WAC: variants seen among roughly 807,000 people sequenced by gnomAD.
The protein encoded by WAC is WW domain-containing adapter protein with coiled-coil.
WAC carries 11 observed loss-of-function variants against 79.6 expected under a neutral mutation model. That is an observed-to-expected ratio of 0.14 (90% confidence interval 0.09 to 0.23). The LOEUF (loss-of-function observed/expected upper bound fraction) is 0.23. Among genes scored for constraint, WAC ranks in the 10% least tolerant of loss-of-function variants. WAC has a pLI of 1.00. For synonymous variants in WAC, 304 were observed against 276.9 expected (o/e 1.10, Z -0.97); for missense variants, 728 against 773.5 (o/e 0.94, Z 0.70).
chr10:28,567,891 A>G (rs1389697668), intron 3 of WAC, among the ~76,000 whole-genome samples: 2 of 152,034 alleles, frequency 1.3e-5, no homozygotes, highest in Non-Finnish European at 2.9e-5. Context: ...AGTAGCTGAG[A>G]CTAAAGGCAG....
At chr10:28,544,492 A>G (rs1837244463) in intron 3 of WAC, among the ~76,000 whole-genome samples, 1 of 152,196 alleles carries the variant, frequency 6.6e-6, no homozygotes, top group Admixed American at 6.5e-5. Flanking sequence ...GAAATTGTGT[A>G]TATTTGTAAA....
In WAC at chr10:28,619,584, A is replaced by G. The variant is rs1841621128; in HGVS notation, c.1922A>G (p.Asn641Ser). The change falls in exon 14 of 14, where the codon AAT becomes AGT. Residue 641 changes from asparagine (N) to serine (S), a missense_variant. Physicochemically the swap from Asn to Ser is conservative, Grantham distance 46. Transcript: ENST00000354911. Reference protein sequence around the residue: ...QQIKELEKLKNQNSFMV With the variant: ...QQIKELEKLKSQNSFMV ...ATTAAGGAACTTGAAAAGCTAAAAAATCAGAATTCCTTCATGGTGTGAAGA... is the reference window on the plus strand; with the variant it reads ...ATTAAGGAACTTGAAAAGCTAAAAAGTCAGAATTCCTTCATGGTGTGAAGA... The G allele has an allele frequency of 1.3e-6, 2 of 1,580,062 alleles. No individual in the cohort carries two copies. The highest frequency in any genetic ancestry group is 2.1e-5 in the Admixed American group (1 of 48,008).
At chr10:28,603,071 A>G (rs1206696245) in intron 7 of WAC, among the ~76,000 whole-genome samples, 1 of 152,214 alleles carries the variant, frequency 6.6e-6, no homozygotes, top group Non-Finnish European at 1.5e-5. Flanking sequence ...GGCACACACA[A>G]GTCAACACTA....
chr10:28,534,873 C>T (rs543011944), intron 2 of WAC, among the ~76,000 whole-genome samples: 16 of 152,274 alleles, frequency 1.1e-4, no homozygotes, highest in Non-Finnish European at 2.1e-4. Context: ...TGAATCTGTC[C>T]TCCAAAGCAT....
intron 3 of WAC, among the ~76,000 whole-genome samples, chr10:28,551,913 C>T (rs1837701665): frequency 6.6e-6 from 1 of 151,276 alleles, no homozygotes; most frequent in African/African-American, 2.4e-5. Context: ...CAACCTTTGC[C>T]TCCTGAGTTC....
chr10:28,543,155 A>G (rs910375251), intron 3 of WAC, among the ~76,000 whole-genome samples: 1 of 152,228 alleles, frequency 6.6e-6, no homozygotes, highest in Admixed American at 6.5e-5. Flanking sequence ...GGTGGGTCCC[A>G]AAGATCTGCC....
chr10:28,619,616 T>TA lies in WAC; in HGVS notation c.*12dup. ...TTCCTTCATGGTGTGAAGATGTGAA[T>TA]AATTGCACATGGTTTTGAGAACAGG... On this transcript the variant is annotated 3_prime_UTR_variant, in exon 14 of 14. Transcript: ENST00000354911. 5 of 1,568,436 alleles carry TA rather than the reference T, an allele frequency of 3.2e-6. No homozygotes were observed. The highest frequency in any genetic ancestry group is 4.3e-6 in the Non-Finnish European group (5 of 1,166,854).
chr10:28,535,604 C>G lies in WAC; in HGVS notation c.121C>G (p.His41Asp), dbSNP rs1361318641. ...SSKSHPSSGDHRHEKMRDAGD... is the reference protein window; with the variant it reads ...SSKSHPSSGDDRHEKMRDAGD... ...GAAGAGTCACCCCAGTAGCGGTGAT[C>G]ACAGACATGAAAAGATGCGAGACGC... The change falls in exon 3 of 14, where the codon CAC (histidine) becomes GAC (aspartate). Residue 41 changes from histidine to aspartate, a missense_variant. Physicochemically the swap from His to Asp is moderately conservative, Grantham distance 81. Transcript: ENST00000354911. The G allele has an allele frequency of 2.5e-6, 4 of 1,613,868 alleles. No homozygotes were observed. The highest frequency in any genetic ancestry group is 1.3e-5 in the African/African-American group (1 of 74,866).
intron 6 of WAC, among the ~76,000 whole-genome samples, chr10:28,592,751 C>A (rs1049743073): frequency 1.3e-5 from 2 of 152,086 alleles, no homozygotes; most frequent in Non-Finnish European, 2.9e-5. Context: ...AATTCCATGA[C>A]CCTGGAACAT....
Position 28,533,412 on chromosome 10 carries a change from C to G in WAC, c.-168C>G, listed in dbSNP as rs557030572. On this transcript the variant is annotated 5_prime_UTR_variant, in exon 1 of 14. Transcript: ENST00000354911. ...CGTGGTGTCGACGGAGGGAGATGGC[C>G]CGGGAGCGCCGGCGCCAGTAACTGG... is the stretch of plus-strand genomic sequence containing the variant. 1.1e-5 allele frequency: 2 copies of G among 175,382 alleles called. No homozygotes were observed. Among genetic ancestry groups the G allele is most frequent in the Admixed American group, 6.5e-5 (1 of 15,284 alleles). The allele number at this position is 175,382 out of a possible 1,614,324, so 10.9% of individuals were successfully genotyped here.
intron 2 of WAC, 104 bp downstream of exon 2, chr10:28,534,138 G>C: frequency 8.7e-7 from 1 of 1,144,072 alleles, no homozygotes; most frequent in South Asian, 1.6e-5. Context: ...GCCCTTCGGT[G>C]CAACACATCT....
At chr10:28,537,941 T>C (rs1188121639) in intron 3 of WAC, among the ~76,000 whole-genome samples, 1 of 152,236 alleles carries the variant, frequency 6.6e-6, no homozygotes, top group African/African-American at 2.4e-5. Flanking sequence ...TTTCCAATTT[T>C]CTTTCTAGCT....
At position 28,617,798 on chromosome 10, in the gene WAC, T is replaced by C. The variant is rs1841536714; in HGVS notation, c.1874+14T>C. 3 of 1,567,494 alleles carry C rather than the reference T, an allele frequency of 1.9e-6. No individual in the cohort carries two copies. The highest frequency in any genetic ancestry group is 2.6e-6 in the Non-Finnish European group (3 of 1,166,118). ...GCGAGAGCAAAGGTAAGTCTTTCACTGAAATATATTTTTATGTTTCTCAGG... is the reference window on the plus strand; with the variant it reads ...GCGAGAGCAAAGGTAAGTCTTTCACCGAAATATATTTTTATGTTTCTCAGG... On this transcript the variant is annotated intron_variant, in intron 13 of 13. Coordinates refer to ENST00000354911, the MANE Select transcript of WAC (RefSeq NM_016628.5).
At position 28,595,741 on chromosome 10, in the gene WAC, A is replaced by G; in HGVS notation, c.619A>G (p.Lys207Glu). The part of the protein sequence containing the change: ...TSGFASGMED[K>E]HSSDASSLLP... ...CGAACTGTGAACTAAAGTGGAAGAC[A>G]AGCATTCCAGTGATGCCAGTAGTTT... is the stretch of plus-strand genomic sequence containing the variant. Residue 207 changes from lysine to glutamate, a missense_variant, in exon 7 of 14, where the codon AAG (lysine) becomes GAG (glutamate). By Grantham distance (56) the Lys-to-Glu change is moderately conservative. Around this residue, in one of 3 missense-constraint regions of WAC, gnomAD observed 648 missense variants for 661.5 expected, o/e 0.98. Coordinates refer to ENST00000354911, the MANE Select transcript of WAC (RefSeq NM_016628.5). 1 of 1,611,510 alleles carries G rather than the reference A, an allele frequency of 6.2e-7. No homozygotes were observed. Among genetic ancestry groups the G allele is most frequent in the Non-Finnish European group, 8.5e-7 (1 of 1,177,908 alleles).
rs1272032340 is a variant in WAC at position 28,619,507 on chromosome 10, C to A, written c.1875-30C>A. 8 of 1,509,032 alleles carry A rather than the reference C, an allele frequency of 5.3e-6. No individual in the cohort carries two copies. The Middle Eastern group carries it at 8.7e-4, about 164-fold the overall frequency. 93.5% of individuals were successfully genotyped at this position (1,509,032 alleles called of 1,614,324 possible). On this transcript the variant is annotated intron_variant, in intron 13 of 13. Coordinates refer to ENST00000354911, the MANE Select transcript of WAC (RefSeq NM_016628.5). ...TTTCTGTAATATTTGTATATGTACA[C>A]AGGTTCTAATGTCTGCTTTTTTTTT...
chr10:28,621,531 A>G lies in WAC; in HGVS notation c.*1925A>G, dbSNP rs766017466. 1 of 152,192 alleles carries G rather than the reference A, an allele frequency of 6.6e-6. No individual in the cohort carries two copies. Among genetic ancestry groups the G allele is most frequent in the Non-Finnish European group, 1.5e-5 (1 of 68,038 alleles). The allele number at this position is 152,192 out of a possible 1,614,324, so 9.4% of individuals were successfully genotyped here. On this transcript the variant is annotated 3_prime_UTR_variant, in exon 14 of 14. Transcript: ENST00000354911. ...TTCCTGTAATTTAAGGATACTTTTT[A>G]AATGTAAGAAAAGACATGTCATTAA...
rs973331327 is a variant in WAC at position 28,581,064 on chromosome 10, T to A, written c.275-2335T>A. 3.3e-5 allele frequency among the ~76,000 whole-genome samples: 5 copies of A among 152,058 alleles called. No individual in the cohort carries two copies. In the East Asian group the frequency reaches 9.7e-4, roughly 29 times the overall value. ...AAATTGTGACACACTTGTGGAATGTTGTCTACCAGGGAAGCTCACTAGAGA... is the reference window on the plus strand; with the variant it reads ...AAATTGTGACACACTTGTGGAATGTAGTCTACCAGGGAAGCTCACTAGAGA... On this transcript the variant is annotated intron_variant, in intron 3 of 13. Coordinates refer to ENST00000354911, the MANE Select transcript of WAC (RefSeq NM_016628.5).
chr10:28,599,898 A>G (rs995651125), intron 7 of WAC, among the ~76,000 whole-genome samples: 4 of 152,180 alleles, frequency 2.6e-5, no homozygotes, highest in African/African-American at 4.8e-5. Context: ...CCACCATACA[A>G]CAAGTAGAGA....
intron 3 of WAC, 22 bp downstream of exon 3, chr10:28,535,779 A>G: frequency 6.3e-7 from 1 of 1,579,060 alleles, no homozygotes; most frequent in Non-Finnish European, 8.6e-7. Flanking sequence ...TCTTGTTGAA[A>G]CTTTGACATA....
Sources: gnomAD v4.1 joint callset for allele counts (sites outside exome capture counted in the v4.1 genomes callset) on GRCh38, gnomAD v4.1.1 for gene constraint, gnomAD v4.1.1 regional missense constraint, MANE v1.5 for transcripts, NCBI Gene and HGNC (gene_info 2026-07-23, HGNC 2026-07-21) for gene names.